The following DENND6A variants were observed in gnomAD, a reference collection of about 807,000 sequenced individuals.
The protein encoded by DENND6A is DENN domain containing 6A, also known as protein DENND6A.
Under a neutral mutation model 95.5 loss-of-function variants are expected in DENND6A, and 43 were observed. The observed-to-expected ratio is 0.45, with a 90% CI of 0.35 to 0.58. DENND6A has a LOEUF of 0.58. Among genes scored for constraint, DENND6A ranks in the 20% least tolerant of loss-of-function variants. The pLI is 0.00. For missense variants in DENND6A, 574 were observed against 736.0 expected (o/e 0.78, Z 2.55); for synonymous variants, 257 against 260.4 (o/e 0.99, Z 0.13).
intron 18 of DENND6A, among the ~76,000 whole-genome samples, chr3:57,630,033 G>C (rs1438371127): frequency 2.0e-5 from 3 of 152,102 alleles, no homozygotes; most frequent in Non-Finnish European, 4.4e-5. Flanking sequence ...GCTATTTCAA[G>C]CTGCCAACCT....
chr3:57,667,085 G>A (rs1206597248), intron 3 of DENND6A, among the ~76,000 whole-genome samples: 2 of 151,866 alleles, frequency 1.3e-5, no homozygotes, highest in Non-Finnish European at 1.5e-5. Context: ...CTGGAGTGCA[G>A]TGGCGGGATC....
chr3:57,671,566 A>C (rs910417371), intron 3 of DENND6A, among the ~76,000 whole-genome samples: 3 of 152,044 alleles, frequency 2.0e-5, no homozygotes, highest in African/African-American at 7.2e-5. Context: ...AAAGGAAAGA[A>C]AACTAGACTG....
rs890289339 is a variant in DENND6A, at chr3:57,692,964, C to G, written c.55G>C (p.Glu19Gln). ...CGGCCCTCGGCCCCTGCCACCGCTTCGTCCAACGGCCTTCGAGAGCCGGGC... is the reference window on the plus strand; with the variant it reads ...CGGCCCTCGGCCCCTGCCACCGCTTGGTCCAACGGCCTTCGAGAGCCGGGC... ...LGPGSRRPLD[E>Q]AVAGAEGREA... The change falls in exon 1 of 20, where the codon GAA becomes CAA. Residue 19 changes from glutamate (E) to glutamine (Q), a missense_variant. By Grantham distance (29) the Glu-to-Gln change is conservative. This residue lies in a region of DENND6A where 122 missense variants were observed against 105.1 expected (regional missense o/e 1.16). Coordinates refer to ENST00000311128, the MANE Select transcript of DENND6A (RefSeq NM_152678.3). The G allele has an allele frequency of 6.5e-7, 1 of 1,538,342 alleles. No homozygotes were observed. Among genetic ancestry groups the G allele is most frequent in the Non-Finnish European group, 8.7e-7 (1 of 1,150,748 alleles).
intron 1 of DENND6A, among the ~76,000 whole-genome samples, chr3:57,676,636 TA>T (rs894457212): frequency 3.3e-5 from 5 of 151,440 alleles, no homozygotes; most frequent in South Asian, 2.1e-4. Context: ...TATAGCTAAG[TA>T]AAAAAAAGGG....
intron 14 of DENND6A, 126 bp from the exon 15 acceptor site, chr3:57,633,480 C>A: frequency 1.3e-6 from 1 of 767,168 alleles, no homozygotes; most frequent in Non-Finnish European, 2.1e-6. Context: ...AGAACTTCAC[C>A]TTGAAGTAAT....
intron 1 of DENND6A, chr3:57,679,531 A>G: frequency 1.0e-6 from 1 of 985,426 alleles, no homozygotes; most frequent in Non-Finnish European, 1.2e-6. Context: ...TGCATCTTCA[A>G]ACTCTTAAGA....
chr3:57,660,334 C>T (rs1294194246), intron 7 of DENND6A, among the ~76,000 whole-genome samples: 2 of 151,978 alleles, frequency 1.3e-5, no homozygotes, highest in Non-Finnish European at 2.9e-5. Flanking sequence ...GTGTGCACCA[C>T]CATGCCCCGT....
chr3:57,651,362 T>C (rs2071207372), intron 9 of DENND6A, among the ~76,000 whole-genome samples: 1 of 152,204 alleles, frequency 6.6e-6, no homozygotes, highest in Admixed American at 6.5e-5. Context: ...TTCATGATAC[T>C]GCACAGATGA....
At chr3:57,669,619 G>GACTCCGGTCC (rs1166061771) in intron 3 of DENND6A, among the ~76,000 whole-genome samples, 2 of 151,840 alleles carry the variant, frequency 1.3e-5, no homozygotes, top group African/African-American at 2.4e-5. Context: ...GGAGGCTGAG[G>GACTCCGGTCC]CAGGAGAATG....
intron 9 of DENND6A, among the ~76,000 whole-genome samples, chr3:57,654,180 C>G (rs1199477582): frequency 2.0e-5 from 3 of 151,382 alleles, no homozygotes; most frequent in Non-Finnish European, 4.4e-5. Context: ...TGGTCTCGAT[C>G]TCCTGACCTC....
chr3:57,659,213 TA>T (rs2071381254), intron 7 of DENND6A, 33 bp from the exon 8 acceptor site: 1 of 1,609,268 alleles, frequency 6.2e-7, no homozygotes, highest in South Asian at 1.1e-5. Context: ...TTTTTGGTTA[TA>T]AAAGAATGGA....
At chr3:57,653,408 A>G (rs2071250245) in intron 9 of DENND6A, among the ~76,000 whole-genome samples, 1 of 152,168 alleles carries the variant, frequency 6.6e-6, no homozygotes, top group African/African-American at 2.4e-5. Context: ...GGTGGGAGGT[A>G]AGTTTTTAAT....
intron 9 of DENND6A, among the ~76,000 whole-genome samples, chr3:57,655,933 T>G (rs564462881): frequency 6.6e-6 from 1 of 152,336 alleles, no homozygotes; most frequent in East Asian, 1.9e-4. Flanking sequence ...TTCTGCAAAT[T>G]ATTCCTTAAT....
At chr3:57,641,070 T>C (rs1454750637) in intron 12 of DENND6A, among the ~76,000 whole-genome samples, 1 of 150,880 alleles carries the variant, frequency 6.6e-6, no homozygotes, top group East Asian at 1.9e-4. Flanking sequence ...ATTCTAGTTT[T>C]CTATAAGGTT....
chr3:57,692,057 C>T (rs974578159), intron 1 of DENND6A, among the ~76,000 whole-genome samples: 4 of 151,652 alleles, frequency 2.6e-5, no homozygotes, highest in African/African-American at 7.3e-5. Flanking sequence ...ATGGAGAAAC[C>T]CCGTCTCTAT....
Position 57,693,025 on chromosome 3 carries a change from C to G in DENND6A, c.-7G>C. The stretch of plus-strand genomic sequence containing the variant: ...CAGGGCCCCTCAAAGCCATCGGCCG[C>G]CCCCTGACCGTTCGCGCCGCCTCCA... On this transcript the variant is annotated 5_prime_UTR_variant, in exon 1 of 20. Coordinates refer to ENST00000311128, the MANE Select transcript of DENND6A (RefSeq NM_152678.3). The G allele has an allele frequency of 1.4e-6, 2 of 1,410,604 alleles. No homozygotes were observed. The highest frequency in any genetic ancestry group is 1.8e-6 in the Non-Finnish European group (2 of 1,093,036). 87.4% of individuals were successfully genotyped at this position (1,410,604 alleles called of 1,614,324 possible).
At chr3:57,661,858 A>G (rs746791398) in intron 5 of DENND6A, among the ~76,000 whole-genome samples, 6 of 152,196 alleles carry the variant, frequency 3.9e-5, no homozygotes, top group African/African-American at 7.2e-5. Context: ...TACAATAGCA[A>G]TATCAGGAAT....
chr3:57,660,665 G>T, intron 7 of DENND6A, 95 bp downstream of exon 7: 1 of 1,077,478 alleles, frequency 9.3e-7, no homozygotes, highest in Non-Finnish European at 1.3e-6. Flanking sequence ...CTGTGATCAT[G>T]CCACTGTACT....
In DENND6A at chr3:57,641,532, C is replaced by T. The variant is rs188408369; in HGVS notation, c.1132+121G>A. On this transcript the variant is annotated intron_variant, in intron 12 of 19. Coordinates refer to ENST00000311128, the MANE Select transcript of DENND6A (RefSeq NM_152678.3). ...AGTGGGAAATTAGCAGGAAATTATA[C>T]CCTTCTCCAAAGGCCTTGAAGAAAG... 9.5e-5 allele frequency: 65 copies of T among 685,334 alleles called. No individual in the cohort carries two copies. The African/African-American group carries it at 1.0e-3, about 11-fold the overall frequency. The allele number at this position is 685,334 out of a possible 1,614,324, so 42.5% of individuals were successfully genotyped here. A position where few individuals can be genotyped will look rare whatever the true frequency, so the allele number is the denominator to read the frequency against.
Sources: gnomAD v4.1 joint callset for allele counts (sites outside exome capture counted in the v4.1 genomes callset) on GRCh38, gnomAD v4.1.1 for gene constraint, gnomAD v4.1.1 regional missense constraint, MANE v1.5 for transcripts, NCBI Gene and HGNC (gene_info 2026-07-23, HGNC 2026-07-21) for gene names.